VPS13C: variants seen among roughly 807,000 people sequenced by gnomAD.
VPS13C encodes the protein vacuolar protein sorting 13 homolog C.
VPS13C carries 358 observed loss-of-function variants against 456.8 expected under a neutral mutation model. The ratio of observed to expected loss-of-function variants is 0.78; its 90% CI spans 0.72 to 0.86. The LOEUF (loss-of-function observed/expected upper bound fraction) is 0.86. Ranked by LOEUF, VPS13C falls within the 40% of genes least tolerant of loss-of-function variation. The pLI is 0.00. For synonymous variants in VPS13C, 1,578 were observed against 1,486.7 expected, an observed-to-expected ratio of 1.06 and a Z score of -1.41; for missense variants, 4,818 against 4,385.4, an observed-to-expected ratio of 1.10 and a Z score of -2.79.
At chr15:61,974,466 C>A in intron 24 of VPS13C, 49 bp from the exon 25 acceptor site, 1 of 1,586,180 alleles carries the variant, frequency 6.3e-7, no homozygotes, top group Non-Finnish European at 8.6e-7. Context: ...ACATTACAAA[C>A]GAGGGAAAGA....
At position 61,868,742 on chromosome 15, in the gene VPS13C, G is replaced by C. The variant is rs752646725; in HGVS notation, c.10780C>G (p.Leu3594Val). 6.2e-7 allele frequency: 1 copy of C among 1,614,080 alleles called. No individual in the cohort carries two copies. The highest frequency in any genetic ancestry group is 1.1e-5 in the South Asian group (1 of 91,058). Residue 3594 changes from leucine (L) to valine (V), a missense_variant, in exon 81 of 85, where the codon CTC becomes GTC. By Grantham distance (32) the Leu-to-Val change is conservative. This residue lies in a region of VPS13C where 261 missense variants were observed against 234.1 expected (regional missense o/e 1.11). Coordinates refer to ENST00000644861, the MANE Select transcript of VPS13C (RefSeq NM_020821.3). The part of the protein sequence containing the change: ...AAESTEEVSS[L>V]RPPRLIHEDG... ...TCATGGATCAGGCGAGGGGGACGGA[G>C]GCTAGATACTTCCTCAGTTGATTCT...
At chr15:62,032,522 T>G (rs2047853537) in intron 5 of VPS13C, among the ~76,000 whole-genome samples, 3 of 151,716 alleles carry the variant, frequency 2.0e-5, no homozygotes, top group Admixed American at 2.0e-4. Flanking sequence ...AAAAAATACT[T>G]GAAGCAAGAA....
At chr15:61,978,434 A>T (rs1596411630) in intron 23 of VPS13C, among the ~76,000 whole-genome samples, 192 bp downstream of exon 23, 1 of 152,214 alleles carries the variant, frequency 6.6e-6, no homozygotes, top group Admixed American at 6.5e-5. Context: ...TGACTAGCCA[A>T]ATTTCCATTT....
intron 18 of VPS13C, among the ~76,000 whole-genome samples, chr15:61,987,435 G>A (rs2046089598): frequency 6.6e-6 from 1 of 152,170 alleles, no homozygotes; most frequent in African/African-American, 2.4e-5. Flanking sequence ...TTCTTACATA[G>A]CAGGCAAGAG....
chr15:61,876,873 A>G lies in VPS13C; in HGVS notation c.10224+100T>C, dbSNP rs11071634. 0.54 allele frequency: 425,350 copies of G among 781,858 alleles called. 117,779 individuals carry two copies. The highest frequency in any genetic ancestry group is 0.66 in the Admixed American group (20,920 of 31,804). The allele number at this position is 781,858 out of a possible 1,614,324, so 48.4% of individuals were successfully genotyped here. A position where few individuals can be genotyped will look rare whatever the true frequency, so the allele number is the denominator to read the frequency against. On this transcript the variant is annotated intron_variant, in intron 75 of 84. Coordinates refer to ENST00000644861, the MANE Select transcript of VPS13C (RefSeq NM_020821.3). ...CTAAATACGGAGATTTCAAAGTGAG[A>G]TAAATTAGATAAACATTACTGCACA...
rs146869480 is a variant in VPS13C at position 61,869,538 on chromosome 15, G to A, written c.10710C>T (p.Ile3570=). ...GGAAGGTACTACTGGCCATATCTACGATTCCACCAGTTGGACGGGCCACAG... is the reference window on the plus strand; with the variant it reads ...GGAAGGTACTACTGGCCATATCTACAATTCCACCAGTTGGACGGGCCACAG... The part of the protein sequence containing the change: ...VGAVARPTGG[I]VDMASSTFQG... Residue 3570 remains isoleucine, a synonymous_variant, in exon 80 of 85, where the codon ATC becomes ATT. Coordinates refer to ENST00000644861, the MANE Select transcript of VPS13C (RefSeq NM_020821.3). The A allele has an allele frequency of 4.6e-5, 74 of 1,614,062 alleles. No individual in the cohort carries two copies. In the Middle Eastern group the frequency reaches 6.6e-4, roughly 14 times the overall value.
At chr15:62,038,119 G>T (rs2048125430) in intron 3 of VPS13C, among the ~76,000 whole-genome samples, 1 of 152,040 alleles carries the variant, frequency 6.6e-6, no homozygotes, top group Admixed American at 6.6e-5. Context: ...AAGCCATCTT[G>T]GCTTGTAATT....
chr15:62,060,222 C>T (rs2048954406), intron 1 of VPS13C, 53 bp downstream of exon 1: 8 of 1,069,080 alleles, frequency 7.5e-6, no homozygotes, highest in East Asian at 2.6e-5. Flanking sequence ...ACGGAGCAGC[C>T]CTCGGCTGGG....
chr15:61,855,459 A>C (rs1161272919), intron 83 of VPS13C, among the ~76,000 whole-genome samples: 1 of 152,156 alleles, frequency 6.6e-6, no homozygotes, highest in African/African-American at 2.4e-5. Flanking sequence ...GACACTCTAC[A>C]ATGTAGTAAT....
At position 61,964,699 on chromosome 15, in the gene VPS13C, C is replaced by G. The variant is rs753759003; in HGVS notation, c.3214G>C (p.Ala1072Pro). ...AAAAACAAAAATGTATGTTTCATAC[C>G]TTTTGGCAGAGTTGAATTTTTTTGT... is the stretch of plus-strand genomic sequence containing the variant. ...KQQKNSTLPK[A>P]IVSSRDSDII... The change falls in exon 31 of 85, where the codon GCG becomes CCG. Residue 1072 changes from alanine (A) to proline (P), a missense_variant and splice_region_variant. Ala to Pro is a conservative substitution (Grantham distance 27, BLOSUM62 -1). Coordinates refer to ENST00000644861, the MANE Select transcript of VPS13C (RefSeq NM_020821.3). 1.1e-5 allele frequency: 18 copies of G among 1,599,014 alleles called. No homozygotes were observed. Among genetic ancestry groups the G allele is most frequent in the Non-Finnish European group, 1.5e-5 (18 of 1,175,330 alleles).
intron 2 of VPS13C, among the ~76,000 whole-genome samples, chr15:62,043,374 G>C (rs1028403661): frequency 2.0e-5 from 3 of 152,228 alleles, no homozygotes; most frequent in Non-Finnish European, 2.9e-5. Flanking sequence ...GGGAGGCCAA[G>C]GCAGGCAGAC....
chr15:62,033,669 T>C (rs1596507765), intron 4 of VPS13C, 127 bp from the exon 5 acceptor site: 2 of 515,062 alleles, frequency 3.9e-6, no homozygotes, highest in East Asian at 7.1e-5. Context: ...ACTTTCACAT[T>C]TTTAGTTTTA....
intron 9 of VPS13C, among the ~76,000 whole-genome samples, chr15:62,014,470 T>C (rs1001637388): frequency 1.6e-4 from 24 of 152,094 alleles, no homozygotes; most frequent in African/African-American, 5.8e-4. Flanking sequence ...TGTTAAGAAC[T>C]GTTTCAGTGG....
chr15:61,974,245 A>T (rs764756635), intron 25 of VPS13C, 43 bp downstream of exon 25: 9 of 1,565,250 alleles, frequency 5.7e-6, no homozygotes, highest in Non-Finnish European at 6.9e-6. Flanking sequence ...CACTGCTCTA[A>T]AACAATAAAA....
chr15:61,954,902 G>A (rs774076116), intron 37 of VPS13C, among the ~76,000 whole-genome samples: 18 of 152,228 alleles, frequency 1.2e-4, no homozygotes, highest in African/African-American at 3.6e-4. Flanking sequence ...CTCCTCACAC[G>A]GTGGAGACAT....
chr15:61,897,234 G>A (rs534438553), intron 66 of VPS13C, among the ~76,000 whole-genome samples: 133 of 152,280 alleles, frequency 8.7e-4, no homozygotes, highest in African/African-American at 3.1e-3. Context: ...CACCAGCAAC[G>A]GAACAAAGCT....
At chr15:62,013,216 C>A in intron 10 of VPS13C, 97 bp from the exon 11 acceptor site, 1 of 743,734 alleles carries the variant, frequency 1.3e-6, no homozygotes, top group Non-Finnish European at 2.0e-6. Context: ...CCAAAATTAC[C>A]CAAATGCCAT....
intron 22 of VPS13C, among the ~76,000 whole-genome samples, chr15:61,980,759 T>C (rs1280328355): frequency 6.6e-6 from 1 of 152,206 alleles, no homozygotes; most frequent in East Asian, 1.9e-4. Context: ...AAATGGCTGG[T>C]ATCATCACTT....
chr15:62,013,845 G>T, intron 10 of VPS13C, 88 bp downstream of exon 10: 1 of 981,770 alleles, frequency 1.0e-6, no homozygotes, highest in African/African-American at 1.6e-5. Flanking sequence ...ACACTCCAAT[G>T]GCATATTCTG....
Sources: allele counts gnomAD v4.1 joint callset (sites outside exome capture counted in the v4.1 genomes callset), GRCh38; gene constraint gnomAD v4.1.1; regional missense constraint gnomAD v4.1.1; transcripts MANE v1.5; gene names NCBI Gene and HGNC (gene_info 2026-07-23, HGNC 2026-07-21).